The following PSMC6 variants were observed in gnomAD, a reference collection of about 807,000 sequenced individuals.
The protein encoded by PSMC6 is 26S proteasome regulatory subunit 10B.
Under a neutral mutation model 55.9 loss-of-function variants are expected in PSMC6, and 3 were observed. The ratio of observed to expected loss-of-function variants is 0.05; its 90% CI spans 0.02 to 0.14. PSMC6 has a LOEUF of 0.14. PSMC6 is among the 10% of genes least tolerant of loss of function. The pLI is 1.00. For missense variants in PSMC6, 210 were observed against 478.7 expected (o/e 0.44, Z 5.24); for synonymous variants, 137 against 155.9 (o/e 0.88, Z 0.90).
intron 6 of PSMC6, among the ~76,000 whole-genome samples, 197 bp from the exon 7 acceptor site, chr14:52,713,684 T>G (rs930690033): frequency 1.3e-5 from 2 of 152,188 alleles, no homozygotes; most frequent in Non-Finnish European, 2.9e-5. Flanking sequence ...TTATTTGAAA[T>G]TTTTTAGATT....
intron 12 of PSMC6, chr14:52,722,928 G>C (rs1228229754): frequency 6.6e-6 from 1 of 152,104 alleles, no homozygotes; most frequent in Non-Finnish European, 1.5e-5. Flanking sequence ...CTCCAGACTA[G>C]GGAAATCTAG....
chr14:52,709,120 T>C (rs2041736631), intron 4 of PSMC6: 1 of 237,604 alleles, frequency 4.2e-6, no homozygotes, highest in South Asian at 5.9e-5. Context: ...TAAAGAGGAC[T>C]TAAAAGTGTT....
rs899785613 is a variant in PSMC6 at position 52,711,509 on chromosome 14, C to G, written c.426C>G (p.Ile142Met). The part of the protein sequence containing the change: ...YSEIGGLSEQ[I>M]RELREVIELP... ...AGATTGGAGGGCTATCAGAACAGAT[C>G]CGGGAATTAAGAGAGGTTGGTACTG... The change falls in exon 6 of 14, where the codon ATC (isoleucine) becomes ATG (methionine). Residue 142 changes from isoleucine to methionine, a missense_variant. This residue lies in a region of PSMC6 where 101 missense variants were observed against 250.4 expected (regional missense o/e 0.40). Coordinates refer to ENST00000445930, the MANE Select transcript of PSMC6 (RefSeq NM_002806.5). The G allele has an allele frequency of 6.2e-7, 1 of 1,607,442 alleles. No individual in the cohort carries two copies. The highest frequency in any genetic ancestry group is 8.5e-7 in the Non-Finnish European group (1 of 1,174,368).
chr14:52,717,999 T>C, intron 7 of PSMC6, 82 bp from the exon 8 acceptor site: 1 of 1,285,902 alleles, frequency 7.8e-7, no homozygotes, highest in Non-Finnish European at 1.1e-6. Context: ...CACTCCAGCC[T>C]AGGTGACAGA....
chr14:52,718,929 G>A (rs1415833129), intron 9 of PSMC6, 48 bp from the exon 10 acceptor site: 14 of 1,390,934 alleles, frequency 1.0e-5, no homozygotes, highest in African/African-American at 1.4e-5. Flanking sequence ...AATGATGGTT[G>A]TAGAGGAAAA....
chr14:52,709,089 A>T (rs551175765), intron 4 of PSMC6: 2 of 273,222 alleles, frequency 7.3e-6, no homozygotes, highest in Non-Finnish European at 1.4e-5. Flanking sequence ...GAAAACAGAC[A>T]TTTTATTTTA....
At chr14:52,709,508 G>A (rs752873299) in intron 4 of PSMC6, 99 of 435,336 alleles carry the variant, frequency 2.3e-4, no homozygotes, top group African/African-American at 7.1e-4. Context: ...GTATATAAGC[G>A]GTTGACATTT....
chr14:52,721,222 C>CCAA, intron 12 of PSMC6, 32 bp downstream of exon 12: 1 of 1,458,450 alleles, frequency 6.9e-7, no homozygotes, highest in Non-Finnish European at 9.3e-7. Context: ...TATGTATTTA[C>CCAA]ATTTGGTAAA....
intron 6 of PSMC6, 46 bp downstream of exon 6, chr14:52,711,570 A>G: frequency 2.3e-6 from 3 of 1,320,010 alleles, no homozygotes; most frequent in Non-Finnish European, 2.1e-6. Context: ...AATAAATACT[A>G]CTAGTTTTAG....
At chr14:52,708,215 A>G (rs1018833054) in intron 1 of PSMC6, 94 bp from the exon 2 acceptor site, 10 of 1,064,380 alleles carry the variant, frequency 9.4e-6, no homozygotes, top group Admixed American at 4.1e-5. Flanking sequence ...AGGTAAAGTG[A>G]AGTAGACTTA....
intron 12 of PSMC6, chr14:52,723,693 C>G (rs960300210): frequency 1.9e-6 from 1 of 524,080 alleles, no homozygotes; most frequent in Non-Finnish European, 2.9e-6. Flanking sequence ...ATGTGCATAG[C>G]TATTTCACTG....
rs2041727531 is a variant in PSMC6 at position 52,708,320 on chromosome 14, T to C, written c.97T>C (p.Leu33=). 6.2e-7 allele frequency: 1 copy of C among 1,609,360 alleles called. No homozygotes were observed. Among genetic ancestry groups the C allele is most frequent in the East Asian group, 2.2e-5 (1 of 44,820 alleles). The change falls in exon 2 of 14, where the codon TTA becomes CTA. Residue 33 remains leucine, a synonymous_variant. Coordinates refer to ENST00000445930, the MANE Select transcript of PSMC6 (RefSeq NM_002806.5). ...TTGTATTATTTCAGTAAGGGAACAA[T>C]TAAAAGAACTTACCAAGCAGTATGA... ...DGRLKELREQ[L]KELTKQYEKS...
chr14:52,727,840 G>C lies in PSMC6; in HGVS notation c.*223G>C. 1 of 374,174 alleles carries C rather than the reference G, an allele frequency of 2.7e-6. No individual in the cohort carries two copies. Among genetic ancestry groups the C allele is most frequent in the Non-Finnish European group, 4.8e-6 (1 of 206,722 alleles). 23.2% of individuals were successfully genotyped at this position (374,174 alleles called of 1,614,324 possible). ...CAGCAAGTTACAAAGGGAAAGTGTT[G>C]AAGCTTTTCATATTTGCTGCGTGAG... On this transcript the variant is annotated 3_prime_UTR_variant, in exon 14 of 14. Transcript: ENST00000445930.
chr14:52,718,606 T>C, intron 9 of PSMC6: 1 of 415,930 alleles, frequency 2.4e-6, no homozygotes, highest in South Asian at 2.5e-5. Context: ...GCCAACATGG[T>C]GAAACCCTGT....
chr14:52,727,145 C>G (rs1442898577), intron 13 of PSMC6, among the ~76,000 whole-genome samples: 1 of 151,336 alleles, frequency 6.6e-6, no homozygotes, highest in Non-Finnish European at 1.5e-5. Context: ...CTTAGCCTCC[C>G]GAGTAGCTGG....
At position 52,708,538 on chromosome 14, in the gene PSMC6, G is replaced by C; in HGVS notation, c.205+16G>C. 7 of 1,608,448 alleles carry C rather than the reference G, an allele frequency of 4.4e-6. No homozygotes were observed. Among genetic ancestry groups the C allele is most frequent in the Non-Finnish European group, 5.1e-6 (6 of 1,175,276 alleles). On this transcript the variant is annotated intron_variant, in intron 3 of 13. Coordinates refer to ENST00000445930, the MANE Select transcript of PSMC6 (RefSeq NM_002806.5). ...GAAGAAAAATGTGAGTGATGAATTA[G>C]CTTATTAATTAGTAAAGAAACAGTC... is the stretch of plus-strand genomic sequence containing the variant.
intron 13 of PSMC6, among the ~76,000 whole-genome samples, chr14:52,725,548 T>C (rs1880375586): frequency 6.6e-6 from 1 of 152,242 alleles, no homozygotes; most frequent in Non-Finnish European, 1.5e-5. Flanking sequence ...ATTTTTTCTT[T>C]TGAGACGGAG....
At chr14:52,727,314 C>T (rs888024182) in intron 13 of PSMC6, among the ~76,000 whole-genome samples, 185 bp from the exon 14 acceptor site, 1 of 152,006 alleles carries the variant, frequency 6.6e-6, no homozygotes, top group African/African-American at 2.4e-5. Context: ...CAGGCGTGAG[C>T]CACCGCACCC....
chr14:52,713,209 AAC>A (rs1375098739), intron 6 of PSMC6, among the ~76,000 whole-genome samples: 1 of 152,132 alleles, frequency 6.6e-6, no homozygotes, highest in African/African-American at 2.4e-5. Flanking sequence ...CAGCCTGGGC[AAC>A]AGACTCTGTC....
Sources: allele counts gnomAD v4.1 joint callset (sites outside exome capture counted in the v4.1 genomes callset), GRCh38; gene constraint gnomAD v4.1.1; regional missense constraint gnomAD v4.1.1; transcripts MANE v1.5; gene names NCBI Gene and HGNC (gene_info 2026-07-23, HGNC 2026-07-21).